USP15: variants seen among roughly 807,000 people sequenced by gnomAD.
USP15 encodes ubiquitin specific peptidase 15.
A neutral mutation model predicts 127.1 loss-of-function variants in USP15; 18 were observed. That is an observed-to-expected ratio of 0.14 (90% CI 0.10 to 0.21). The LOEUF (loss-of-function observed/expected upper bound fraction) is 0.21. USP15 is among the 10% of genes least tolerant of loss of function. The probability of loss-of-function intolerance (pLI) is 1.00; values close to 1 mark genes in which losing one functional copy is unlikely to be tolerated. For synonymous variants in USP15, 364 were observed against 393.7 expected (o/e 0.92, Z 0.89); for missense variants, 805 against 1,159.9 (o/e 0.69, Z 4.44).
intron 1 of USP15, among the ~76,000 whole-genome samples, chr12:62,292,845 A>G (rs556185612): frequency 4.6e-5 from 7 of 152,192 alleles, no homozygotes; most frequent in Admixed American, 2.0e-4. Context: ...GGGATAGATT[A>G]TTGGGAACCC....
intron 1 of USP15, among the ~76,000 whole-genome samples, chr12:62,264,684 G>A (rs2063153348): frequency 6.6e-6 from 1 of 152,026 alleles, no homozygotes. Context: ...AATCTTTGAG[G>A]CTTAATTTTA....
chr12:62,386,884 G>A (rs911996314), intron 11 of USP15, among the ~76,000 whole-genome samples: 7 of 152,184 alleles, frequency 4.6e-5, no homozygotes, highest in Non-Finnish European at 1.0e-4. Flanking sequence ...ACAGACAAAT[G>A]ACAAACACTT....
chr12:62,370,585 T>A lies in USP15; in HGVS notation c.916-10905T>A, dbSNP rs570419664. Among the ~76,000 whole-genome samples, 136 of 152,294 alleles carry A rather than the reference T, an allele frequency of 8.9e-4. 2 individuals are homozygous for A. Among genetic ancestry groups the A allele is most frequent in the African/African-American group, 3.2e-3 (133 of 41,564 alleles). On this transcript the variant is annotated intron_variant, in intron 8 of 21. Coordinates refer to ENST00000280377, the MANE Select transcript of USP15 (RefSeq NM_001252078.2). ...AGGAAGTGCTTGGCACATGTAAACATATAAAAATATCAAATACTGTTATCA... is the reference window on the plus strand; with the variant it reads ...AGGAAGTGCTTGGCACATGTAAACAAATAAAAATATCAAATACTGTTATCA...
At chr12:62,357,939 A>G (rs965034190) in intron 8 of USP15, among the ~76,000 whole-genome samples, 3 of 152,138 alleles carry the variant, frequency 2.0e-5, no homozygotes, top group South Asian at 2.1e-4. Flanking sequence ...AATAGAATAG[A>G]TTCTTTAGGT....
chr12:62,260,607 C>T (rs2063014025), intron 1 of USP15, 104 bp downstream of exon 1: 3 of 1,119,716 alleles, frequency 2.7e-6, no homozygotes, highest in Non-Finnish European at 3.8e-6. Context: ...CGGGCAGGTC[C>T]GGCGGCGGCC....
intron 1 of USP15, 136 bp from the exon 2 acceptor site, chr12:62,294,043 G>T: frequency 1.2e-6 from 1 of 809,152 alleles, no homozygotes; most frequent in South Asian, 2.1e-5. Flanking sequence ...TAATACTAAG[G>T]GGCATTACAG....
intron 8 of USP15, among the ~76,000 whole-genome samples, chr12:62,378,050 T>C (rs1354639136): frequency 6.6e-6 from 1 of 151,394 alleles, no homozygotes; most frequent in Non-Finnish European, 1.5e-5. Flanking sequence ...CTACAAAAAA[T>C]ACAAAAATTA....
At chr12:62,375,004 T>C (rs1350256564) in intron 8 of USP15, among the ~76,000 whole-genome samples, 2 of 152,090 alleles carry the variant, frequency 1.3e-5, no homozygotes, top group African/African-American at 2.4e-5. Flanking sequence ...GCATAAACCA[T>C]TCAAATATTT....
At chr12:62,358,424 C>G (rs1040880693) in intron 8 of USP15, among the ~76,000 whole-genome samples, 3 of 152,010 alleles carry the variant, frequency 2.0e-5, no homozygotes, top group Non-Finnish European at 4.4e-5. Context: ...AATAACAATA[C>G]AACAGTTTGT....
intron 6 of USP15, chr12:62,336,261 C>T (rs2065460941): frequency 1.0e-6 from 1 of 985,246 alleles, no homozygotes; most frequent in Admixed American, 6.2e-5. Flanking sequence ...TTCTGAATTC[C>T]AGATTTTTCA....
intron 3 of USP15, among the ~76,000 whole-genome samples, chr12:62,309,387 C>T (rs898176366): frequency 1.3e-5 from 2 of 151,996 alleles, no homozygotes; most frequent in Non-Finnish European, 2.9e-5. Flanking sequence ...ATAGGAAACT[C>T]GAATTCACCT....
At chr12:62,260,908 C>G (rs1565793447) in intron 1 of USP15, among the ~76,000 whole-genome samples, 2 of 152,168 alleles carry the variant, frequency 1.3e-5, no homozygotes, top group African/African-American at 4.8e-5. Context: ...CTTTACTTCT[C>G]TGTTCATTTC....
Position 62,409,104 on chromosome 12 carries a change from A to T in USP15, c.*4729A>T. The T allele has an allele frequency of 6.6e-6, 1 of 152,186 alleles. No homozygotes were observed. The highest frequency in any genetic ancestry group is 1.5e-5 in the Non-Finnish European group (1 of 68,012). 9.4% of individuals were successfully genotyped at this position (152,186 alleles called of 1,614,324 possible). A position where few individuals can be genotyped will look rare whatever the true frequency, so the allele number is the denominator to read the frequency against. On this transcript the variant is annotated 3_prime_UTR_variant, in exon 22 of 22. Transcript: ENST00000280377. Reference sequence around the variant, plus strand: ...GGGGTAAAGAATTTTTAAATGGATAATATAAAACAGACAGTTCAAAAATTA... The same window carrying T: ...GGGGTAAAGAATTTTTAAATGGATATTATAAAACAGACAGTTCAAAAATTA...
At chr12:62,373,910 T>C (rs542946703) in intron 8 of USP15, among the ~76,000 whole-genome samples, 62 of 152,024 alleles carry the variant, frequency 4.1e-4, no homozygotes, top group African/African-American at 1.3e-3. Flanking sequence ...GAAACAGGCC[T>C]ATATTTGTAG....
At chr12:62,360,115 G>C (rs1003908659) in intron 8 of USP15, among the ~76,000 whole-genome samples, 14 of 152,094 alleles carry the variant, frequency 9.2e-5, no homozygotes. Context: ...CATCTCCTCA[G>C]ATGGATTTGA....
chr12:62,412,602 C>T lies in USP15; in HGVS notation c.*8227C>T, dbSNP rs2068064708. ...TCACAGCATCTTCACCAGGAGAAGA[C>T]TTTCCCCCCTTCTTTTCACAGATGT... On this transcript the variant is annotated 3_prime_UTR_variant, in exon 22 of 22. Coordinates refer to ENST00000280377, the MANE Select transcript of USP15 (RefSeq NM_001252078.2). The T allele has an allele frequency of 6.4e-6, 1 of 156,092 alleles. No homozygotes were observed. The highest frequency in any genetic ancestry group is 2.4e-5 in the African/African-American group (1 of 41,520). The allele number at this position is 156,092 out of a possible 1,614,324, so 9.7% of individuals were successfully genotyped here.
At chr12:62,314,581 T>C (rs921494740) in intron 3 of USP15, among the ~76,000 whole-genome samples, 1 of 151,970 alleles carries the variant, frequency 6.6e-6, no homozygotes, top group Admixed American at 6.5e-5. Context: ...ATTATTTCTT[T>C]CTTTTAAATA....
At chr12:62,385,853 A>G (rs148841714) in intron 11 of USP15, among the ~76,000 whole-genome samples, 1 of 152,208 alleles carries the variant, frequency 6.6e-6, no homozygotes, top group African/African-American at 2.4e-5. Context: ...GCGTAGAATA[A>G]TAAGTATAAA....
At position 62,389,861 on chromosome 12, in the gene USP15, G is replaced by A. The variant is rs1391053445; in HGVS notation, c.1717G>A (p.Glu573Lys). The change falls in exon 14 of 22, where the codon GAA becomes AAA. Residue 573 changes from glutamate to lysine, a missense_variant. Transcript: ENST00000280377. ...CGTGATTATTCCTGTTTGCCTAAGA[G>A]AAAAATTCAGACACTCGAGTTATAC... is the stretch of plus-strand genomic sequence containing the variant. ...EHVIIPVCLREKFRHSSYTHH... is the reference protein window; with the variant it reads ...EHVIIPVCLRKKFRHSSYTHH... 6.2e-7 allele frequency: 1 copy of A among 1,613,690 alleles called. No homozygotes were observed. Among genetic ancestry groups the A allele is most frequent in the African/African-American group, 1.3e-5 (1 of 74,888 alleles).
Sources: gnomAD v4.1 joint callset for allele counts (sites outside exome capture counted in the v4.1 genomes callset) on GRCh38, gnomAD v4.1.1 for gene constraint, MANE v1.5 for transcripts, NCBI Gene and HGNC (gene_info 2026-07-23, HGNC 2026-07-21) for gene names.